Variants in USH2A observed in about 807,000 individuals in gnomAD.
USH2A encodes the protein usherin.
USH2A carries 443 observed loss-of-function variants against 538.9 expected under a neutral mutation model. The observed-to-expected ratio is 0.82, with a 90% CI of 0.76 to 0.89. The LOEUF is 0.89. USH2A is among the 40% of genes least tolerant of loss of function. The pLI is 0.00. For missense variants in USH2A, 6,633 were observed against 6,324.8 expected (o/e 1.05, Z -1.65); for synonymous variants, 2,413 against 2,273.5 (o/e 1.06, Z -1.75).
At chr1:215,734,705 C>A (rs1026168727) in intron 60 of USH2A, among the ~76,000 whole-genome samples, 2 of 152,152 alleles carry the variant, frequency 1.3e-5, no homozygotes, top group Non-Finnish European at 2.9e-5. Flanking sequence ...TAGGTTTTTA[C>A]TCTTAAGTTC....
At chr1:215,794,958 T>C (rs1662084907) in intron 50 of USH2A, among the ~76,000 whole-genome samples, 2 of 152,226 alleles carry the variant, frequency 1.3e-5, no homozygotes, top group Admixed American at 6.5e-5. Context: ...AGAACCATTG[T>C]CCTAGTGGAC....
intron 32 of USH2A, among the ~76,000 whole-genome samples, chr1:216,002,971 G>A (rs1048834249): frequency 1.3e-5 from 2 of 152,072 alleles, no homozygotes; most frequent in African/African-American, 2.4e-5. Context: ...TGCGTTGAAG[G>A]TGACTATGAT....
chr1:216,418,555 C>G lies in USH2A; in HGVS notation c.610G>C (p.Gly204Arg), dbSNP rs1458727548. 1.2e-6 allele frequency: 2 copies of G among 1,613,252 alleles called. No homozygotes were observed. Among genetic ancestry groups the G allele is most frequent in the East Asian group, 4.5e-5 (2 of 44,808 alleles). The change falls in exon 3 of 72, where the codon GGG (glycine) becomes CGG (arginine). Residue 204 changes from glycine (G) to arginine (R), a missense_variant. Transcript: ENST00000307340. ...ATCCATTTCTTCACAAGAATTCTCC[C>G]CAGTGTCATTACTTTTATTGGAGGT... ...LQPPIKVMTL[G>R]RILVKKWIHL...
chr1:216,200,064 A>G lies in USH2A; in HGVS notation c.3374T>C (p.Ile1125Thr), dbSNP rs1275501870. The change falls in exon 17 of 72, where the codon ATT becomes ACT. Residue 1125 changes from isoleucine (I) to threonine (T), a missense_variant. Transcript: ENST00000307340. ...LLPYTKYSYY[I>T]ETTNVHGSTR... is the part of the protein sequence containing the mutation. Reference sequence around the variant, plus strand: ...TGAACCATGCACATTGGTGGTCTCAATGTAATAGGAATATTTGGTATATGG... The same window carrying G: ...TGAACCATGCACATTGGTGGTCTCAGTGTAATAGGAATATTTGGTATATGG... 1.2e-6 allele frequency: 2 copies of G among 1,613,894 alleles called. No individual in the cohort carries two copies. Among genetic ancestry groups the G allele is most frequent in the Non-Finnish European group, 1.7e-6 (2 of 1,179,910 alleles).
intron 31 of USH2A, 36 bp downstream of exon 31, chr1:216,048,498 G>C (rs1210056457): frequency 6.3e-7 from 1 of 1,578,770 alleles, no homozygotes; most frequent in Non-Finnish European, 8.7e-7. Flanking sequence ...ATTCATGACT[G>C]AAATGTGGAA....
chr1:216,157,529 T>A lies in USH2A; in HGVS notation c.4627+17723A>T, dbSNP rs75894290. ...ACGCATGCACTCATATGTTCATTGC[T>A]ACACTAATCACAATAGCAAAGACAC... On this transcript the variant is annotated intron_variant, in intron 21 of 71. Transcript: ENST00000307340. Among the ~76,000 whole-genome samples the A allele has an allele frequency of 4.6e-3, 695 of 152,232 alleles. 5 individuals are homozygous for A. The highest frequency in any genetic ancestry group is 0.011 in the African/African-American group (444 of 41,542).
intron 35 of USH2A, among the ~76,000 whole-genome samples, chr1:215,992,356 T>C (rs546389117): frequency 1.3e-5 from 2 of 152,316 alleles, no homozygotes; most frequent in South Asian, 4.1e-4. Context: ...AAGCAATTTC[T>C]ACCCAAAACT....
chr1:215,654,689 A>G (rs1389862423), intron 64 of USH2A, among the ~76,000 whole-genome samples: 1 of 152,242 alleles, frequency 6.6e-6, no homozygotes, highest in Non-Finnish European at 1.5e-5. Flanking sequence ...ATAAGCATAA[A>G]AACTAAAATT....
chr1:215,888,800 C>T lies in USH2A; in HGVS notation c.7849G>A (p.Val2617Ile). ...TCCGGTGCCCCTGGGAGTGTCCATA[C>T]AGTCTGGGACTCTGGTGAAAGGGAA... ...GCSLSPESQT[V>I]WTLPGAPEGI... Residue 2617 changes from valine to isoleucine, a missense_variant, in exon 41 of 72, where the codon GTA (valine) becomes ATA (isoleucine). Physicochemically the swap from Val to Ile is conservative, Grantham distance 29. Coordinates refer to ENST00000307340, the MANE Select transcript of USH2A (RefSeq NM_206933.4). 1 of 1,614,122 alleles carries T rather than the reference C, an allele frequency of 6.2e-7. No individual in the cohort carries two copies. Among genetic ancestry groups the T allele is most frequent in the Non-Finnish European group, 8.5e-7 (1 of 1,180,008 alleles).
chr1:215,767,295 GTCTTC>G (rs1327270270), intron 55 of USH2A, among the ~76,000 whole-genome samples: 1 of 152,144 alleles, frequency 6.6e-6, no homozygotes, highest in Non-Finnish European at 1.5e-5. Flanking sequence ...TCCCCCCTGA[GTCTTC>G]TCTTCTCCAG....
At chr1:216,399,455 TA>T (rs1194786557) in intron 3 of USH2A, among the ~76,000 whole-genome samples, 1 of 152,152 alleles carries the variant, frequency 6.6e-6, no homozygotes, top group African/African-American at 2.4e-5. Context: ...ATCAATACTC[TA>T]CATCCTTTTT....
At position 215,790,227 on chromosome 1, in the gene USH2A, T is replaced by A. The variant is rs1388187983; in HGVS notation, c.10014A>T (p.Ser3338=). The A allele has an allele frequency of 1.9e-6, 3 of 1,614,130 alleles. No individual in the cohort carries two copies. The highest frequency in any genetic ancestry group is 1.1e-5 in the South Asian group (1 of 91,086). ...GTGCTTTAGACTCTCCACTGGAAGC[T>A]GAGCAGCATATGGTATCTGACATAT... ...YVNMSDTICC[S]ASSGESKAHI... Residue 3338 remains serine, a synonymous_variant, in exon 51 of 72, where the codon TCA becomes TCT. Coordinates refer to ENST00000307340, the MANE Select transcript of USH2A (RefSeq NM_206933.4).
chr1:216,086,065 G>A (rs2032121349), intron 24 of USH2A, among the ~76,000 whole-genome samples: 1 of 152,020 alleles, frequency 6.6e-6, no homozygotes, highest in Non-Finnish European at 1.5e-5. Context: ...TAGAATATTA[G>A]CATTGCGTTT....
chr1:215,907,989 A>C (rs1013669670), intron 38 of USH2A, among the ~76,000 whole-genome samples: 21 of 152,086 alleles, frequency 1.4e-4, no homozygotes, highest in Admixed American at 4.6e-4. Flanking sequence ...ATTACAAAAA[A>C]ATGTGAAAAA....
intron 44 of USH2A, among the ~76,000 whole-genome samples, chr1:215,857,088 G>A (rs901584130): frequency 1.3e-5 from 2 of 152,148 alleles, no homozygotes; most frequent in South Asian, 2.1e-4. Flanking sequence ...GGGAGGCAAC[G>A]GATACAAGAC....
intron 61 of USH2A, among the ~76,000 whole-genome samples, chr1:215,708,874 A>T (rs1659258842): frequency 6.6e-6 from 1 of 152,056 alleles, no homozygotes; most frequent in South Asian, 2.1e-4. Flanking sequence ...ATTGTAGTTT[A>T]TGGTTCTATG....
chr1:215,986,311 T>TC (rs1667873350), intron 35 of USH2A, among the ~76,000 whole-genome samples: 2 of 21,772 alleles, frequency 9.2e-5, no homozygotes, highest in Non-Finnish European at 2.1e-4. Flanking sequence ...TTTCTTTTTC[T>TC]TTTTTTTTTT....
intron 37 of USH2A, among the ~76,000 whole-genome samples, chr1:215,949,833 A>G (rs1271728813): frequency 1.3e-5 from 2 of 152,134 alleles, no homozygotes; most frequent in Non-Finnish European, 2.9e-5. Flanking sequence ...ATTACTATCT[A>G]TATTATTTTA....
At chr1:216,037,261 A>G (rs564930185) in intron 32 of USH2A, among the ~76,000 whole-genome samples, 1 of 152,274 alleles carries the variant, frequency 6.6e-6, no homozygotes, top group South Asian at 2.1e-4. Context: ...GGGCATCATC[A>G]TGGTGAAGAA....
Sources: gnomAD v4.1 joint callset for allele counts (sites outside exome capture counted in the v4.1 genomes callset) on GRCh38, gnomAD v4.1.1 for gene constraint, MANE v1.5 for transcripts, NCBI Gene and HGNC (gene_info 2026-07-23, HGNC 2026-07-21) for gene names.